The following MDGA1 variants were observed in gnomAD, a reference collection of about 807,000 sequenced individuals.
The protein encoded by MDGA1 is MAM domain containing glycosylphosphatidylinositol anchor 1.
MDGA1 carries 54 observed loss-of-function variants against 101.5 expected under a neutral mutation model. The ratio of observed to expected loss-of-function variants is 0.53; its 90% CI spans 0.43 to 0.67. The LOEUF (loss-of-function observed/expected upper bound fraction) is 0.67, where lower values mean the gene tolerates loss of function less well. MDGA1 is among the 30% of genes least tolerant of loss of function. The probability of loss-of-function intolerance (pLI) is 0.00; values close to 1 mark genes in which losing one functional copy is unlikely to be tolerated. For missense variants in MDGA1, 1,083 were observed against 1,323.8 expected, an observed-to-expected ratio of 0.82 and a Z score of 2.82; for synonymous variants, 533 against 558.3, an observed-to-expected ratio of 0.95 and a Z score of 0.64.
intron 8 of MDGA1, chr6:37,649,907 T>G: frequency 1.4e-6 from 1 of 730,272 alleles, no homozygotes; most frequent in Non-Finnish European, 2.4e-6. Context: ...AAAATGAAGA[T>G]GGGAGATACT....
intron 14 of MDGA1, 115 bp downstream of exon 14, chr6:37,643,675 TCCAAGGACCTCTCATTTAG>T: frequency 7.8e-7 from 1 of 1,275,254 alleles, no homozygotes; most frequent in Non-Finnish European, 1.1e-6. Flanking sequence ...TGCAGACCCG[TCCAAGGACCTCTCATTTAG>T]CCAAGTGGGG....
intron 1 of MDGA1, among the ~76,000 whole-genome samples, chr6:37,667,219 C>T (rs1050398653): frequency 2.0e-5 from 3 of 152,194 alleles, no homozygotes; most frequent in Admixed American, 6.5e-5. Flanking sequence ...CAGACAGCAG[C>T]GGGTTCGGTG....
chr6:37,649,276 G>C lies in MDGA1; in HGVS notation c.1610-10C>G. ...TCCACCTCCGGCGGGACTGGGGGCG[G>C]GAGCGGCGGTCAGCGGGGCCTCTCC... On this transcript the variant is annotated splice_polypyrimidine_tract_variant and intron_variant, in intron 8 of 16. Coordinates refer to ENST00000434837, the MANE Select transcript of MDGA1 (RefSeq NM_153487.4). The C allele has an allele frequency of 6.8e-7, 1 of 1,480,148 alleles. No homozygotes were observed. The highest frequency in any genetic ancestry group is 2.3e-4 in the Middle Eastern group (1 of 4,288). 91.7% of individuals were successfully genotyped at this position (1,480,148 alleles called of 1,614,324 possible). A position where few individuals can be genotyped will look rare whatever the true frequency, so the allele number is the denominator to read the frequency against.
At chr6:37,648,300 C>T (rs7745284) in intron 9 of MDGA1, 104,338 of 152,572 alleles carry the variant, frequency 0.68, 36,082 homozygotes, top group African/African-American at 0.8. Context: ...TCTTCTCTCC[C>T]CTAAACTACA....
intron 1 of MDGA1, among the ~76,000 whole-genome samples, chr6:37,685,032 T>C (rs1442942733): frequency 3.3e-5 from 5 of 152,198 alleles, no homozygotes; most frequent in African/African-American, 1.2e-4. Flanking sequence ...CTGGGGACAG[T>C]GGCTCATACT....
At chr6:37,653,699 A>G (rs1257997942) in intron 6 of MDGA1, among the ~76,000 whole-genome samples, 1 of 152,256 alleles carries the variant, frequency 6.6e-6, no homozygotes, top group Non-Finnish European at 1.5e-5. Flanking sequence ...CATAGTGAGC[A>G]GTTAATTACT....
At chr6:37,672,208 T>G (rs1761884808) in intron 1 of MDGA1, among the ~76,000 whole-genome samples, 1 of 151,618 alleles carries the variant, frequency 6.6e-6, no homozygotes, top group Non-Finnish European at 1.5e-5. Flanking sequence ...CCCAACATTT[T>G]GGGAAGCTGA....
At chr6:37,640,485 C>A (rs751532028) in intron 14 of MDGA1, among the ~76,000 whole-genome samples, 3 of 151,934 alleles carry the variant, frequency 2.0e-5, no homozygotes, top group Non-Finnish European at 2.9e-5. Flanking sequence ...ACCGTAGGCA[C>A]GCACCACCAC....
intron 1 of MDGA1, among the ~76,000 whole-genome samples, chr6:37,674,487 G>A (rs558238486): frequency 2.8e-4 from 42 of 152,294 alleles, no homozygotes; most frequent in African/African-American, 7.5e-4. Context: ...TGCAAGTGGC[G>A]GCTGGTCCAT....
chr6:37,692,304 G>A (rs534371275), intron 1 of MDGA1, among the ~76,000 whole-genome samples: 1 of 152,276 alleles, frequency 6.6e-6, no homozygotes, highest in African/African-American at 2.4e-5. Flanking sequence ...GGAGGTGGGA[G>A]GTGAGGCAGG....
In MDGA1 at chr6:37,680,996, GCC is replaced by G. The variant is rs61618174; in HGVS notation, c.67+15747_67+15748del. On this transcript the variant is annotated intron_variant, in intron 1 of 16. Coordinates refer to ENST00000434837, the MANE Select transcript of MDGA1 (RefSeq NM_153487.4). ...TACTGGGGCCCACCCTTCCTCCTCA[GCC>G]CCCCCCCCCCAGGAAACCTGGGCAG... Among the ~76,000 whole-genome samples the G allele has an allele frequency of 4.7e-3, 677 of 145,470 alleles. 3 individuals carry two copies. Among genetic ancestry groups the G allele is most frequent in the African/African-American group, 0.017 (654 of 39,506 alleles).
At chr6:37,671,287 T>C (rs1761864032) in intron 1 of MDGA1, among the ~76,000 whole-genome samples, 1 of 152,336 alleles carries the variant, frequency 6.6e-6, no homozygotes, top group East Asian at 1.9e-4. Flanking sequence ...AGTAAACACA[T>C]CTGTGTAACT....
intron 2 of MDGA1, among the ~76,000 whole-genome samples, chr6:37,661,676 A>C (rs1343760407): frequency 6.6e-6 from 1 of 152,188 alleles, no homozygotes; most frequent in Non-Finnish European, 1.5e-5. Flanking sequence ...GGGTGTGAGG[A>C]GGGTGGCAGT....
At chr6:37,695,683 T>G (rs1762401732) in intron 1 of MDGA1, among the ~76,000 whole-genome samples, 4 of 151,794 alleles carry the variant, frequency 2.6e-5, no homozygotes, top group Admixed American at 2.6e-4. Context: ...CAGGTCAACC[T>G]CCCCTGGATC....
At position 37,636,928 on chromosome 6, in the gene MDGA1, C is replaced by A; in HGVS notation, c.*440G>T. On this transcript the variant is annotated 3_prime_UTR_variant, in exon 17 of 17. Transcript: ENST00000434837. Reference sequence around the variant, plus strand: ...CTCCATGTCTGCCCCACTTCTGGCTCCCTTCTGGCAAAGCCACCAGGCTGG... The same window carrying A: ...CTCCATGTCTGCCCCACTTCTGGCTACCTTCTGGCAAAGCCACCAGGCTGG... 1 of 154,348 alleles carries A rather than the reference C, an allele frequency of 6.5e-6. No individual in the cohort carries two copies. The allele number at this position is 154,348 out of a possible 1,614,324, so 9.6% of individuals were successfully genotyped here.
rs35594367 is a variant in MDGA1 at position 37,664,842 on chromosome 6, G to GACACACACACACACACACACACACAC, written c.68-762_68-737dup. On this transcript the variant is annotated intron_variant, in intron 1 of 16. Transcript: ENST00000434837. ...TTTGCTTTTAGAGAGCCTAACCTAAGACACACACACACACACACACACACA... is the reference window on the plus strand; with the variant it reads ...TTTGCTTTTAGAGAGCCTAACCTAAGACACACACACACACACACACACACACACACACACACACACACACACACACA... Among the ~76,000 whole-genome samples, 5 of 55,258 alleles carry GACACACACACACACACACACACACAC rather than the reference G, an allele frequency of 9.0e-5. 1 individual carries two copies. Among genetic ancestry groups the GACACACACACACACACACACACACAC allele is most frequent in the East Asian group, 1.2e-3 (1 of 862 alleles). The allele number at this position is 55,258 out of a possible 152,430, so 36.3% of individuals were successfully genotyped here. A position where few individuals can be genotyped will look rare whatever the true frequency, so the allele number is the denominator to read the frequency against.
chr6:37,658,489 C>A, intron 2 of MDGA1, 70 bp from the exon 3 acceptor site: 1 of 1,432,116 alleles, frequency 7.0e-7, no homozygotes, highest in Non-Finnish European at 9.4e-7. Flanking sequence ...CGCTGAGTGC[C>A]CTGCAACGGC....
At chr6:37,656,110 G>C (rs1283176416) in intron 3 of MDGA1, among the ~76,000 whole-genome samples, 4 of 144,406 alleles carry the variant, frequency 2.8e-5, no homozygotes, top group African/African-American at 1.0e-4. Flanking sequence ...ACAGAGTCTT[G>C]CTCTGTCACC....
chr6:37,679,952 G>C (rs1342922179), intron 1 of MDGA1, among the ~76,000 whole-genome samples: 1 of 152,100 alleles, frequency 6.6e-6, no homozygotes, highest in Non-Finnish European at 1.5e-5. Flanking sequence ...GCCTCCCTAC[G>C]CTCCCACCTG....
Sources: gnomAD v4.1 joint callset for allele counts (sites outside exome capture counted in the v4.1 genomes callset) on GRCh38, gnomAD v4.1.1 for gene constraint, MANE v1.5 for transcripts, NCBI Gene and HGNC (gene_info 2026-07-23, HGNC 2026-07-21) for gene names.